Variants in FASTKD5 observed in about 807,000 individuals in gnomAD.
FASTKD5 encodes the protein non-canonical pre-mRNAs endonuclease FASTKD5, mitochondrial.
A neutral mutation model predicts 44.0 loss-of-function variants in FASTKD5; 30 were observed. The ratio of observed to expected loss-of-function variants is 0.68; its 90% CI spans 0.51 to 0.93. The LOEUF is 0.93. FASTKD5 is among the 40% of genes least tolerant of loss of function. The pLI, the probability that FASTKD5 is intolerant of heterozygous loss-of-function variation, is 0.00. For synonymous variants in FASTKD5, 335 were observed against 342.2 expected, an observed-to-expected ratio of 0.98 and a Z score of 0.23; for missense variants, 868 against 908.2, an observed-to-expected ratio of 0.96 and a Z score of 0.57.
rs549247818 is a variant in FASTKD5 at position 3,158,183 on chromosome 20, T to C, written c.-191+1583A>G. Among the ~76,000 whole-genome samples the C allele has an allele frequency of 5.9e-5, 9 of 152,230 alleles. No homozygotes were observed. In the South Asian group the frequency reaches 1.5e-3, roughly 25 times the overall value. ...AGAGTTTCCCTATGTTGCCCCCAGG[T>C]TGGTCTCGAACTCCTGGGCTCAAGT... On this transcript the variant is annotated intron_variant, in intron 1 of 1. Transcript: ENST00000380266.
Position 3,148,517 on chromosome 20 carries a change from G to C in FASTKD5, c.554C>G (p.Thr185Ser), listed in dbSNP as rs375942300. Residue 185 changes from threonine (T) to serine (S), a missense_variant, in exon 2 of 2, where the codon ACC becomes AGC. By Grantham distance (58) the Thr-to-Ser change is moderately conservative. Transcript: ENST00000380266. The stretch of plus-strand genomic sequence containing the variant: ...CAGCTGGCAGAGCAGAGCAAAGCTG[G>C]TACTGCCCAGCAAGACAGGATGCTG... ...AEQHPVLLGS[T>S]SFALLCQLSV... 9 of 1,613,990 alleles carry C rather than the reference G, an allele frequency of 5.6e-6. No homozygotes were observed. The highest frequency in any genetic ancestry group is 6.8e-6 in the Non-Finnish European group (8 of 1,180,018).
At chr20:3,153,268 G>A (rs1050366679) in intron 1 of FASTKD5, among the ~76,000 whole-genome samples, 2 of 152,222 alleles carry the variant, frequency 1.3e-5, no homozygotes, top group African/African-American at 2.4e-5. Context: ...CCAGTGTTTT[G>A]AATTCATGTG....
At position 3,149,316 on chromosome 20, in the gene FASTKD5, T is replaced by C; in HGVS notation, c.-190-56A>G. The C allele has an allele frequency of 2.0e-6, 1 of 499,752 alleles. No individual in the cohort carries two copies. The highest frequency in any genetic ancestry group is 3.6e-6 in the Non-Finnish European group (1 of 281,158). 31.0% of individuals were successfully genotyped at this position (499,752 alleles called of 1,614,324 possible). On this transcript the variant is annotated intron_variant, in intron 1 of 1. Coordinates refer to ENST00000380266, the MANE Select transcript of FASTKD5 (RefSeq NM_021826.5). The surrounding 1 kb of genome is among the most constrained non-coding windows in gnomAD (Gnocchi z 4.1). ...CTTCTACCTATAAAAGCATCCAAAT[T>C]TACACATTATAAAAAACAGGTTGAA...
Position 3,147,808 on chromosome 20 carries a change from T to C in FASTKD5, c.1263A>G (p.Arg421=). The part of the protein sequence containing the change: ...MNAVAASLPP[R]VAHCRSKDVA... ...CATCTTTACTTCGACAGTGTGCCACTCTAGGAGGCAAAGACGCAGCCACTG... is the reference window on the plus strand; with the variant it reads ...CATCTTTACTTCGACAGTGTGCCACCCTAGGAGGCAAAGACGCAGCCACTG... Residue 421 remains arginine (R), a synonymous_variant, in exon 2 of 2, where the codon AGA becomes AGG. Transcript: ENST00000380266. The C allele has an allele frequency of 1.2e-6, 2 of 1,614,172 alleles. No homozygotes were observed. The highest frequency in any genetic ancestry group is 8.5e-7 in the Non-Finnish European group (1 of 1,180,022).
At chr20:3,150,055 C>T (rs1402100532) in intron 1 of FASTKD5, among the ~76,000 whole-genome samples, 3 of 151,880 alleles carry the variant, frequency 2.0e-5, no homozygotes, top group East Asian at 1.9e-4. Flanking sequence ...GTTATACCTA[C>T]GATAACCCTC....
At position 3,147,139 on chromosome 20, in the gene FASTKD5, G is replaced by A. The variant is rs769499974; in HGVS notation, c.1932C>T (p.Gly644=). The part of the protein sequence containing the change: ...LKGKARGHFQ[G]KTESEPGQQP... Reference sequence around the variant, plus strand: ...GCTGCCCAGGCTCTGACTCAGTTTTGCCCTGGAAATGTCCTCTTGCTTTCC... The same window carrying A: ...GCTGCCCAGGCTCTGACTCAGTTTTACCCTGGAAATGTCCTCTTGCTTTCC... The change falls in exon 2 of 2, where the codon GGC becomes GGT. Residue 644 remains glycine (G), a synonymous_variant. Coordinates refer to ENST00000380266, the MANE Select transcript of FASTKD5 (RefSeq NM_021826.5). 27 of 1,613,574 alleles carry A rather than the reference G, an allele frequency of 1.7e-5. No homozygotes were observed. In the Admixed American group the frequency reaches 4.2e-4, roughly 25 times the overall value.
chr20:3,153,611 C>T (rs560036371), intron 1 of FASTKD5, among the ~76,000 whole-genome samples: 2 of 152,064 alleles, frequency 1.3e-5, no homozygotes, highest in Non-Finnish European at 2.9e-5. Flanking sequence ...GGGGGCAGTA[C>T]GGGGTGGGAT....
intron 1 of FASTKD5, among the ~76,000 whole-genome samples, chr20:3,157,499 T>C (rs2066698466): frequency 1.3e-5 from 2 of 151,798 alleles, no homozygotes; most frequent in African/African-American, 2.4e-5. Context: ...GCTTCTCTTT[T>C]AAGACTCTGC....
chr20:3,158,301 T>C (rs1051788603), intron 1 of FASTKD5, among the ~76,000 whole-genome samples: 6 of 152,002 alleles, frequency 3.9e-5, no homozygotes, highest in Middle Eastern at 3.4e-3. Flanking sequence ...AGTTGACTTA[T>C]TCACATGATG....
intron 1 of FASTKD5, among the ~76,000 whole-genome samples, chr20:3,155,448 T>C (rs1416347888): frequency 6.6e-6 from 1 of 152,046 alleles, no homozygotes; most frequent in Non-Finnish European, 1.5e-5. Flanking sequence ...GGAGAATCAC[T>C]TGAACCCGCG....
At position 3,148,060 on chromosome 20, in the gene FASTKD5, C is replaced by T. The variant is rs943557879; in HGVS notation, c.1011G>A (p.Met337Ile). Residue 337 changes from methionine (M) to isoleucine (I), a missense_variant, in exon 2 of 2, where the codon ATG becomes ATA. Physicochemically the swap from Met to Ile is conservative, Grantham distance 10. Coordinates refer to ENST00000380266, the MANE Select transcript of FASTKD5 (RefSeq NM_021826.5). ...CACAAGCCAAGTCTCCAATTTTCCG[C>T]ATGACAAATTCAGAGAGATTAGTAC... ...KSSTNLSEFV[M>I]RKIGDLACAN... 7 of 1,614,184 alleles carry T rather than the reference C, an allele frequency of 4.3e-6. No homozygotes were observed. The highest frequency in any genetic ancestry group is 1.3e-5 in the African/African-American group (1 of 75,058).
chr20:3,156,173 CTTTTT>C (rs761149925), intron 1 of FASTKD5, among the ~76,000 whole-genome samples: 3 of 130,148 alleles, frequency 2.3e-5, no homozygotes, highest in East Asian at 2.2e-4. Context: ...ACTTCTGACT[CTTTTT>C]TTTTTTTTTT....
chr20:3,149,351 C>A lies in FASTKD5; in HGVS notation c.-190-91G>T. 1 of 414,424 alleles carries A rather than the reference C, an allele frequency of 2.4e-6. No homozygotes were observed. Among genetic ancestry groups the A allele is most frequent in the Non-Finnish European group, 4.3e-6 (1 of 231,788 alleles). The allele number at this position is 414,424 out of a possible 1,614,324, so 25.7% of individuals were successfully genotyped here. A position where few individuals can be genotyped will look rare whatever the true frequency, so the allele number is the denominator to read the frequency against. On this transcript the variant is annotated intron_variant, in intron 1 of 1. Coordinates refer to ENST00000380266, the MANE Select transcript of FASTKD5 (RefSeq NM_021826.5). This position sits in a 1 kb window ranked among gnomAD's most constrained non-coding sequence, Gnocchi z 4.1. ...TAAAAAACAGGTTGAAACTACACTG[C>A]TGTCTACTCAAATAAGTTCAATGCT...
intron 1 of FASTKD5, among the ~76,000 whole-genome samples, chr20:3,155,094 A>G (rs899796857): frequency 1.3e-5 from 2 of 151,632 alleles, no homozygotes; most frequent in Admixed American, 6.6e-5. Flanking sequence ...AAAAGAAAAA[A>G]TAAATATAGT....
Position 3,147,943 on chromosome 20 carries a change from C to A in FASTKD5, c.1128G>T (p.Gln376His). 6.2e-7 allele frequency: 1 copy of A among 1,614,256 alleles called. No homozygotes were observed. The highest frequency in any genetic ancestry group is 8.5e-7 in the Non-Finnish European group (1 of 1,180,054). ...THVDHINFMK[Q>H]IGEIAPQRIP... ...TTCGCTGAGGAGCTATCTCTCCAATCTGCTTCATGAAATTGATGTGATCCA... is the reference window on the plus strand; with the variant it reads ...TTCGCTGAGGAGCTATCTCTCCAATATGCTTCATGAAATTGATGTGATCCA... The change falls in exon 2 of 2, where the codon CAG becomes CAT. Residue 376 changes from glutamine (Q) to histidine (H), a missense_variant. Transcript: ENST00000380266.
chr20:3,152,252 G>A lies in FASTKD5; in HGVS notation c.-190-2992C>T, dbSNP rs936313889. Among the ~76,000 whole-genome samples, 20 of 151,830 alleles carry A rather than the reference G, an allele frequency of 1.3e-4. No individual in the cohort carries two copies. The East Asian group carries it at 2.1e-3, about 16-fold the overall frequency. ...TCCCAGCACTTTGGGAGGCTGAGGC[G>A]GGTGGATCTATGAGGTCAGGCATTC... On this transcript the variant is annotated intron_variant, in intron 1 of 1. Transcript: ENST00000380266.
In FASTKD5 at chr20:3,147,986, A is replaced by AT. The variant is rs750827772; in HGVS notation, c.1084dup (p.Met362AsnfsTer47). 8 of 1,614,208 alleles carry AT rather than the reference A, an allele frequency of 5.0e-6. No individual in the cohort carries two copies. In the South Asian group the frequency reaches 7.7e-5, roughly 16 times the overall value. On this transcript the variant is annotated frameshift_variant, in exon 2 of 2. Coordinates refer to ENST00000380266, the MANE Select transcript of FASTKD5 (RefSeq NM_021826.5). LOFTEE classifies it high-confidence loss of function. ...GTGATCCACGTGAGTGAAACGGAAC[A>AT]TTTTAACAATATTCACTAAGGAGCG...
chr20:3,158,955 C>A (rs528227204), intron 1 of FASTKD5, among the ~76,000 whole-genome samples: 1 of 152,162 alleles, frequency 6.6e-6, no homozygotes, highest in Non-Finnish European at 1.5e-5. Flanking sequence ...AAACGCCAGC[C>A]ACAGTTGGTG....
At chr20:3,153,013 AGGCTGGTTTACAAGATAAATGTGT>A (rs1472478578) in intron 1 of FASTKD5, among the ~76,000 whole-genome samples, 1 of 152,194 alleles carries the variant, frequency 6.6e-6, no homozygotes, top group Non-Finnish European at 1.5e-5. Flanking sequence ...GTCTAGAAGG[AGGCTGGTTTACAAGATAAATGTGT>A]GGCAGGCATC....
Sources: allele counts gnomAD v4.1 joint callset (sites outside exome capture counted in the v4.1 genomes callset), GRCh38; gene constraint gnomAD v4.1.1; non-coding constraint Gnocchi (gnomAD v3.1); transcripts MANE v1.5; gene names NCBI Gene and HGNC (gene_info 2026-07-23, HGNC 2026-07-21).